BAD: variants seen among roughly 807,000 people sequenced by gnomAD.
BAD encodes bcl2-associated agonist of cell death.
A neutral mutation model predicts 17.8 loss-of-function variants in BAD; 18 were observed. The observed-to-expected ratio is 1.01, with a 90% confidence interval of 0.70 to 1.50. The LOEUF (loss-of-function observed/expected upper bound fraction) is 1.50, where lower values mean the gene tolerates loss of function less well. Ranked by LOEUF, BAD falls within the 40% of genes most tolerant of loss-of-function variation. The pLI is 0.00. For missense variants in BAD, 294 were observed against 239.3 expected (o/e 1.23, Z -1.51); for synonymous variants, 112 against 91.5 (o/e 1.22, Z -1.28).
chr11:64,284,346 T>C lies in BAD; in HGVS notation c.23A>G (p.Glu8Gly). The change falls in exon 2 of 4, where the codon GAG becomes GGG. Residue 8 changes from glutamate (E) to glycine (G), a missense_variant. Glu to Gly is a moderately conservative substitution (Grantham distance 98). Coordinates refer to ENST00000309032, the MANE Select transcript of BAD (RefSeq NM_032989.3). MFQIPEF[E>G]PSEQEDSSSA... ...GCTGGAGTCTTCCTGCTCACTCGGC[T>C]CAAACTCTGGGATCTGGAACATGCT... 2.5e-6 allele frequency: 4 copies of C among 1,612,980 alleles called. No homozygotes were observed. The highest frequency in any genetic ancestry group is 1.3e-5 in the African/African-American group (1 of 75,066).
intron 1 of BAD, 22 bp from the exon 2 acceptor site, chr11:64,284,398 T>A (rs368562037): frequency 1.9e-6 from 3 of 1,611,416 alleles, no homozygotes; most frequent in Admixed American, 1.7e-5. Context: ...AGATGTTACG[T>A]AGTCAAGGCA....
At chr11:64,270,861 G>A (rs1395608382) in intron 3 of BAD, among the ~76,000 whole-genome samples, 1 of 147,320 alleles carries the variant, frequency 6.8e-6, no homozygotes, top group Admixed American at 6.7e-5. Context: ...CTTTGGCCTG[G>A]AGTGGGATCT....
At chr11:64,277,893 C>T (rs532190107) in intron 2 of BAD, among the ~76,000 whole-genome samples, 33 of 152,330 alleles carry the variant, frequency 2.2e-4, no homozygotes, top group Non-Finnish European at 4.1e-4. Flanking sequence ...ATACACTGCA[C>T]CTTGCTGTGT....
At chr11:64,282,960 G>A (rs531747204) in intron 2 of BAD, among the ~76,000 whole-genome samples, 1 of 151,832 alleles carries the variant, frequency 6.6e-6, no homozygotes, top group Non-Finnish European at 1.5e-5. Context: ...CCAGTTACGT[G>A]GGAGGATCAC....
rs771212031 is a variant in BAD at position 64,284,166 on chromosome 11, G to A, written c.187+16C>T. On this transcript the variant is annotated intron_variant, in intron 2 of 3. Transcript: ENST00000309032. ...GGGTGAGGTGTCCCGGCAGGTGGAG[G>A]TGGTGGGGTACTTACCTCCATGATG... 29 of 1,561,218 alleles carry A rather than the reference G, an allele frequency of 1.9e-5. 1 individual carries two copies. The Middle Eastern group carries it at 2.4e-3, about 127-fold the overall frequency.
At chr11:64,283,361 T>A (rs1325867288) in intron 2 of BAD, among the ~76,000 whole-genome samples, 4 of 152,226 alleles carry the variant, frequency 2.6e-5, no homozygotes, top group Admixed American at 6.5e-5. Context: ...CTGGTTTTTG[T>A]GTTCAGAAGA....
rs201046961 is a variant in BAD, at chr11:64,270,238, C to A, written c.478G>T (p.Gly160Cys). The A allele has an allele frequency of 1.7e-5, 28 of 1,612,258 alleles. No homozygotes were observed. The highest frequency in any genetic ancestry group is 2.3e-5 in the Non-Finnish European group (27 of 1,178,792). Reference sequence around the variant, plus strand: ...TGGGAGGGGGCGGAGCTTCCCCTGCCCAAGTTCCGATCCCACCAGGACTGG... The same window carrying A: ...TGGGAGGGGGCGGAGCTTCCCCTGCACAAGTTCCGATCCCACCAGGACTGG... Reference protein sequence around the residue: ...VFQSWWDRNLGRGSSAPSQ With the variant: ...VFQSWWDRNLCRGSSAPSQ The change falls in exon 4 of 4, where the codon GGC becomes TGC. Residue 160 changes from glycine (G) to cysteine (C), a missense_variant. Gly to Cys is a radical substitution (Grantham distance 159). Coordinates refer to ENST00000309032, the MANE Select transcript of BAD (RefSeq NM_032989.3).
intron 2 of BAD, among the ~76,000 whole-genome samples, chr11:64,278,471 G>C (rs1008760008): frequency 6.6e-6 from 1 of 151,658 alleles, no homozygotes; most frequent in African/African-American, 2.4e-5. Context: ...CCTCCTCTGC[G>C]CCAGGCACTG....
At chr11:64,284,493 G>T in intron 1 of BAD, 117 bp from the exon 2 acceptor site, 1 of 1,579,264 alleles carries the variant, frequency 6.3e-7, no homozygotes, top group South Asian at 1.1e-5. Flanking sequence ...GGCCCGCCAG[G>T]CCTCCTGGGC....
At position 64,284,314 on chromosome 11, in the gene BAD, CT is replaced by C; in HGVS notation, c.54del (p.Glu19ArgfsTer99). 1.2e-6 allele frequency: 2 copies of C among 1,612,626 alleles called. No homozygotes were observed. Among genetic ancestry groups the C allele is most frequent in the Non-Finnish European group, 1.7e-6 (2 of 1,179,966 alleles). On this transcript the variant is annotated frameshift_variant, in exon 2 of 4. Coordinates refer to ENST00000309032, the MANE Select transcript of BAD (RefSeq NM_032989.3). LOFTEE classifies it high-confidence loss of function. Reference protein sequence around the residue: ...EPSEQEDSSSAERGLGPSPAG... With the variant: ...EPSEQEDSSSXERGLGPSPAG... ...GCGGGGCTGGGGCCCAGGCCCCTCTCTGCAGAGCTGGAGTCTTCCTGCTCAC... is the reference window on the plus strand; with the variant it reads ...GCGGGGCTGGGGCCCAGGCCCCTCTCGCAGAGCTGGAGTCTTCCTGCTCAC...
chr11:64,276,310 G>GTGTGTGTT (rs1565347790), intron 2 of BAD: 1 of 151,636 alleles, frequency 6.6e-6, no homozygotes. Context: ...GTGTGTGTGT[G>GTGTGTGTT]TGTGTATATA....
intron 2 of BAD, among the ~76,000 whole-genome samples, chr11:64,273,167 G>A (rs550927855): frequency 2.4e-4 from 37 of 151,962 alleles, no homozygotes; most frequent in Non-Finnish European, 4.0e-4. Context: ...TCAGAAGTTC[G>A]AGACCAGCCT....
intron 2 of BAD, among the ~76,000 whole-genome samples, chr11:64,273,381 A>G (rs1292973912): frequency 1.3e-5 from 2 of 152,100 alleles, no homozygotes; most frequent in African/African-American, 4.8e-5. Context: ...TCAAATAATA[A>G]TAATAATAAC....
At chr11:64,272,537 C>T (rs1393164923) in intron 2 of BAD, among the ~76,000 whole-genome samples, 1 of 152,176 alleles carries the variant, frequency 6.6e-6, no homozygotes, top group East Asian at 1.9e-4. Flanking sequence ...GCTACATGTC[C>T]GCATCCCCCA....
chr11:64,284,155 G>T (rs1303094449), intron 2 of BAD, 27 bp downstream of exon 2: 1 of 1,544,488 alleles, frequency 6.5e-7, no homozygotes, highest in Non-Finnish European at 8.7e-7. Flanking sequence ...GAGGTGTCCC[G>T]GCAGGTGGAG....
At chr11:64,278,222 A>G (rs1479988581) in intron 2 of BAD, among the ~76,000 whole-genome samples, 1 of 152,008 alleles carries the variant, frequency 6.6e-6, no homozygotes, top group Admixed American at 6.6e-5. Flanking sequence ...GGAGCCCAGA[A>G]ATTTGAGGCT....
chr11:64,275,549 G>C (rs1314828712), intron 2 of BAD: 1 of 152,240 alleles, frequency 6.6e-6, no homozygotes, highest in African/African-American at 2.4e-5. Flanking sequence ...TGAGGCCTCT[G>C]AGAGTCCCAG....
intron 2 of BAD, among the ~76,000 whole-genome samples, chr11:64,281,512 G>A (rs1453405995): frequency 6.6e-6 from 1 of 152,016 alleles, no homozygotes; most frequent in Non-Finnish European, 1.5e-5. Flanking sequence ...TCAACTTTAG[G>A]TCTCCAAATA....
chr11:64,282,726 G>T (rs1283364621), intron 2 of BAD, among the ~76,000 whole-genome samples: 5 of 150,602 alleles, frequency 3.3e-5, no homozygotes, highest in Non-Finnish European at 7.4e-5. Flanking sequence ...AAAAATACAA[G>T]AAATTAGCCC....
Sources: allele counts gnomAD v4.1 joint callset (sites outside exome capture counted in the v4.1 genomes callset), GRCh38; gene constraint gnomAD v4.1.1; transcripts MANE v1.5; gene names NCBI Gene and HGNC (gene_info 2026-07-23, HGNC 2026-07-21).